Variants in COL12A1 observed in about 807,000 individuals in gnomAD.
COL12A1 encodes the protein collagen alpha-1(XII) chain.
In COL12A1, 114 loss-of-function variants were observed where a neutral mutation model predicts 349.7. The ratio of observed to expected loss-of-function variants is 0.33; its 90% CI spans 0.28 to 0.38. The LOEUF (loss-of-function observed/expected upper bound fraction) is 0.38. Ranked by LOEUF, COL12A1 falls within the 10% of genes least tolerant of loss-of-function variation. The pLI is 1.00. For missense variants in COL12A1, 3,284 were observed against 3,756.9 expected (o/e 0.87, Z 3.29); for synonymous variants, 1,369 against 1,329.0 (o/e 1.03, Z -0.66).
chr6:75,136,247 C>T (rs1454617829), intron 31 of COL12A1, among the ~76,000 whole-genome samples: 1 of 152,114 alleles, frequency 6.6e-6, no homozygotes, highest in African/African-American at 2.4e-5. Flanking sequence ...TATATCAGTC[C>T]ATCTAATTTG....
At chr6:75,195,404 T>G (rs893325062) in intron 2 of COL12A1, among the ~76,000 whole-genome samples, 3 of 152,166 alleles carry the variant, frequency 2.0e-5, no homozygotes, top group Non-Finnish European at 2.9e-5. Context: ...ATAATATGTT[T>G]TTTCCCACAA....
In COL12A1 at chr6:75,124,322, TG is replaced by T; in HGVS notation, c.6656del (p.Thr2219AsnfsTer17). 6.2e-7 allele frequency: 1 copy of T among 1,613,562 alleles called. No individual in the cohort carries two copies. The highest frequency in any genetic ancestry group is 8.5e-7 in the Non-Finnish European group (1 of 1,179,698). On this transcript the variant is annotated frameshift_variant, in exon 41 of 66. Transcript: ENST00000322507. LOFTEE classifies it high-confidence loss of function. ...GGTGAGGTGACCATTTGACACAGAA[TG>T]TATCCCACCCAATCTGGTAAGTTTT... ...DLKTYQIGWD[T>X]FCVKWSPHRA...
chr6:75,154,379 AG>A (rs1767647420), intron 17 of COL12A1, 36 bp downstream of exon 17: 1 of 1,600,542 alleles, frequency 6.2e-7, no homozygotes, highest in Admixed American at 1.7e-5. Context: ...TAGTTTCCTA[AG>A]TTGTTTTCCT....
chr6:75,183,514 C>T lies in COL12A1; in HGVS notation c.1427G>A (p.Arg476Lys), dbSNP rs767743127. The change falls in exon 10 of 66, where the codon AGG becomes AAG. Residue 476 changes from arginine to lysine, a missense_variant. By Grantham distance (26) the Arg-to-Lys change is conservative. This residue lies in a region of COL12A1 where 2,601 missense variants were observed against 2,824.8 expected (regional missense o/e 0.92). Transcript: ENST00000322507. ...LVKSFEISPNRVQISLVQYSR... is the reference protein window; with the variant it reads ...LVKSFEISPNKVQISLVQYSR... ...GTATTGCACAAGACTAATCTGGACC[C>T]TATTTGGTGAAATTTCAAAACTTTT... 5 of 1,614,110 alleles carry T rather than the reference C, an allele frequency of 3.1e-6. No individual in the cohort carries two copies. The highest frequency in any genetic ancestry group is 4.2e-6 in the Non-Finnish European group (5 of 1,180,012).
chr6:75,151,692 T>C (rs975221311), intron 20 of COL12A1, among the ~76,000 whole-genome samples, 175 bp downstream of exon 20: 1 of 151,966 alleles, frequency 6.6e-6, no homozygotes, highest in Admixed American at 6.6e-5. Context: ...TGTAGTTTTG[T>C]CCCCAAAAAA....
intron 14 of COL12A1, 36 bp from the exon 15 acceptor site, chr6:75,156,559 G>C: frequency 6.3e-7 from 1 of 1,590,420 alleles, no homozygotes; most frequent in Non-Finnish European, 8.6e-7. Context: ...TGTATACCAT[G>C]TTGAAAAAAA....
At chr6:75,155,576 G>A (rs1228814664) in intron 16 of COL12A1, 86 bp downstream of exon 16, 40 of 1,301,418 alleles carry the variant, frequency 3.1e-5, no homozygotes, top group East Asian at 5.0e-5. Context: ...AGTGATATTT[G>A]TGTAAAGCCT....
chr6:75,161,865 G>C (rs1016395903), intron 14 of COL12A1, among the ~76,000 whole-genome samples: 1 of 151,974 alleles, frequency 6.6e-6, no homozygotes, highest in African/African-American at 2.4e-5. Flanking sequence ...ACCAATAACA[G>C]ACAAACAGCC....
chr6:75,154,372 T>G, intron 17 of COL12A1, 44 bp downstream of exon 17: 1 of 1,591,998 alleles, frequency 6.3e-7, no homozygotes, highest in East Asian at 2.3e-5. Context: ...TTTGAAATAG[T>G]TTCCTAAGTT....
intron 2 of COL12A1, among the ~76,000 whole-genome samples, chr6:75,201,177 G>T (rs1486337534): frequency 6.6e-6 from 1 of 151,990 alleles, no homozygotes; most frequent in Non-Finnish European, 1.5e-5. Context: ...TTCTTAATGA[G>T]CAATAAATGG....
intron 40 of COL12A1, among the ~76,000 whole-genome samples, chr6:75,124,763 A>T (rs1306071891): frequency 2.6e-5 from 4 of 152,178 alleles, no homozygotes; most frequent in Admixed American, 2.0e-4. Context: ...AGTCAAATTA[A>T]ATCAATGAAT....
intron 13 of COL12A1, 71 bp downstream of exon 13, chr6:75,174,967 A>G: frequency 1.3e-6 from 2 of 1,524,438 alleles, no homozygotes. Flanking sequence ...TTGTCTGAAG[A>G]CATTTTAAGC....
At chr6:75,185,817 C>T (rs1051122840) in intron 8 of COL12A1, among the ~76,000 whole-genome samples, 1 of 151,996 alleles carries the variant, frequency 6.6e-6, no homozygotes, top group African/African-American at 2.4e-5. Context: ...AGACTGAACA[C>T]CTACAACCAT....
At position 75,103,764 on chromosome 6, in the gene COL12A1, C is replaced by T; in HGVS notation, c.8312G>A (p.Gly2771Glu). ...KGPRGERGIS[G>E]AIGPPGPRGD... ...ACTCTAAAATATACTTACAATTGCCCCACTGATACCTCTTTCACCTCTGGG... is the reference window on the plus strand; with the variant it reads ...ACTCTAAAATATACTTACAATTGCCTCACTGATACCTCTTTCACCTCTGGG... The change falls in exon 55 of 66, where the codon GGG (glycine) becomes GAG (glutamate). Residue 2771 changes from glycine (G) to glutamate (E), a missense_variant. Physicochemically the swap from Gly to Glu is moderately conservative, Grantham distance 98. Coordinates refer to ENST00000322507, the MANE Select transcript of COL12A1 (RefSeq NM_004370.6). 1 of 1,612,986 alleles carries T rather than the reference C, an allele frequency of 6.2e-7. No individual in the cohort carries two copies. Among genetic ancestry groups the T allele is most frequent in the Non-Finnish European group, 8.5e-7 (1 of 1,179,174 alleles).
In COL12A1 at chr6:75,085,529, TAATC is replaced by T. The variant is rs926337759; in HGVS notation, c.*1014_*1017del. 4 of 296,698 alleles carry T rather than the reference TAATC, an allele frequency of 1.3e-5. No individual in the cohort carries two copies. The highest frequency in any genetic ancestry group is 2.8e-5 in the Non-Finnish European group (4 of 142,776). 18.4% of individuals were successfully genotyped at this position (296,698 alleles called of 1,614,324 possible). ...CAATTATTTCCAGATAATTTGGTGA[TAATC>T]AAATAATGAAATGGCACTTTCTTAA... On this transcript the variant is annotated 3_prime_UTR_variant, in exon 66 of 66. Transcript: ENST00000322507.
chr6:75,102,569 A>T lies in COL12A1; in HGVS notation c.8415+28T>A, dbSNP rs771729582. 1.2e-5 allele frequency: 18 copies of T among 1,461,404 alleles called. No homozygotes were observed. In the African/African-American group the frequency reaches 2.5e-4, roughly 20 times the overall value. 90.5% of individuals were successfully genotyped at this position (1,461,404 alleles called of 1,614,324 possible). A position where few individuals can be genotyped will look rare whatever the true frequency, so the allele number is the denominator to read the frequency against. ...AACTAAATGTTTATCCACCACTCTCATTTAATACAGAAAGGCTTTGTGCTT... is the reference window on the plus strand; with the variant it reads ...AACTAAATGTTTATCCACCACTCTCTTTTAATACAGAAAGGCTTTGTGCTT... On this transcript the variant is annotated intron_variant, in intron 56 of 65. Coordinates refer to ENST00000322507, the MANE Select transcript of COL12A1 (RefSeq NM_004370.6).
chr6:75,183,058 T>C lies in COL12A1; in HGVS notation c.1883A>G (p.Lys628Arg), dbSNP rs752689011. ...TCTCAAAGTCTACTAACCTTTCTTC[T>C]TTATAGCTGCCAATTCTTGCTCAAT... ...LRIEQELAAI[K>R]KKAYVPPKDL... Residue 628 changes from lysine (K) to arginine (R), a missense_variant, in exon 10 of 66, where the codon AAG becomes AGG. By Grantham distance (26) the Lys-to-Arg change is conservative. Coordinates refer to ENST00000322507, the MANE Select transcript of COL12A1 (RefSeq NM_004370.6). The C allele has an allele frequency of 2.7e-5, 44 of 1,603,540 alleles. No individual in the cohort carries two copies. In the Admixed American group the frequency reaches 4.3e-4, roughly 16 times the overall value.
rs1767459029 is a variant in COL12A1 at position 75,085,776 on chromosome 6, T to C, written c.*771A>G. 9.9e-6 allele frequency: 2 copies of C among 202,108 alleles called. No homozygotes were observed. Among genetic ancestry groups the C allele is most frequent in the Non-Finnish European group, 2.1e-5 (2 of 96,232 alleles). 12.5% of individuals were successfully genotyped at this position (202,108 alleles called of 1,614,324 possible). On this transcript the variant is annotated 3_prime_UTR_variant, in exon 66 of 66. Coordinates refer to ENST00000322507, the MANE Select transcript of COL12A1 (RefSeq NM_004370.6). ...TTTCATTGGCTCCTAGAAACTGAAC[T>C]CGGGGGGTGAAAAGCAACTATCACC...
At chr6:75,177,325 T>C (rs1165633455) in intron 12 of COL12A1, among the ~76,000 whole-genome samples, 1 of 151,952 alleles carries the variant, frequency 6.6e-6, no homozygotes, top group Non-Finnish European at 1.5e-5. Context: ...TAATCCCAGC[T>C]ATTTGGGAGG....
Sources: gnomAD v4.1 joint callset for allele counts (sites outside exome capture counted in the v4.1 genomes callset) on GRCh38, gnomAD v4.1.1 for gene constraint, gnomAD v4.1.1 regional missense constraint, MANE v1.5 for transcripts, NCBI Gene and HGNC (gene_info 2026-07-23, HGNC 2026-07-21) for gene names.